The following RAI1 variants were observed in gnomAD, a reference collection of about 807,000 sequenced individuals.
RAI1 encodes the protein retinoic acid-induced protein 1.
In RAI1, 9 loss-of-function variants were observed where a neutral mutation model predicts 123.8. The observed-to-expected ratio is 0.07, with a 90% CI of 0.04 to 0.13. The LOEUF (loss-of-function observed/expected upper bound fraction) is 0.13, where lower values mean the gene tolerates loss of function less well. RAI1 is among the 10% of genes least tolerant of loss of function. RAI1 has a pLI of 1.00. For synonymous variants in RAI1, 1,231 were observed against 1,127.3 expected, an observed-to-expected ratio of 1.09 and a Z score of -1.84; for missense variants, 2,256 against 2,545.8, an observed-to-expected ratio of 0.89 and a Z score of 2.45.
intron 1 of RAI1, among the ~76,000 whole-genome samples, chr17:17,721,672 T>C (rs1217977875): frequency 6.6e-6 from 1 of 152,118 alleles, no homozygotes; most frequent in Non-Finnish European, 1.5e-5. Flanking sequence ...CAGCGGGCAT[T>C]TGGGCTTTTC....
At chr17:17,791,053 G>A (rs561042687) in intron 2 of RAI1, among the ~76,000 whole-genome samples, 2 of 152,340 alleles carry the variant, frequency 1.3e-5, no homozygotes, top group African/African-American at 4.8e-5. Flanking sequence ...GGATGCCTGC[G>A]ACAAATCCAG....
intron 2 of RAI1, among the ~76,000 whole-genome samples, chr17:17,756,481 GC>G (rs1567876706): frequency 2.6e-5 from 4 of 152,190 alleles, no homozygotes; most frequent in African/African-American, 9.7e-5. Flanking sequence ...ACAGGTGTGA[GC>G]ACTGCACCTG....
At chr17:17,792,145 C>T (rs1297636388) in intron 2 of RAI1, among the ~76,000 whole-genome samples, 1 of 152,164 alleles carries the variant, frequency 6.6e-6, no homozygotes, top group Non-Finnish European at 1.5e-5. Flanking sequence ...TGTTTATGCA[C>T]GTATGATATC....
intron 1 of RAI1, among the ~76,000 whole-genome samples, chr17:17,694,890 G>T (rs1914967562): frequency 6.6e-6 from 1 of 152,048 alleles, no homozygotes; most frequent in South Asian, 2.1e-4. Flanking sequence ...CGGGAACGCG[G>T]GGGCTTCCAG....
chr17:17,733,128 G>A (rs966586648), intron 2 of RAI1, among the ~76,000 whole-genome samples: 5 of 152,182 alleles, frequency 3.3e-5, no homozygotes, highest in Non-Finnish European at 5.9e-5. Context: ...TGCCAGCTGG[G>A]CCCTGGCACT....
intron 1 of RAI1, among the ~76,000 whole-genome samples, chr17:17,682,185 G>A (rs1914447987): frequency 1.3e-5 from 2 of 152,182 alleles, no homozygotes; most frequent in African/African-American, 2.4e-5. Flanking sequence ...GGGGCGCCGG[G>A]GGCGGAGGTG....
intron 3 of RAI1, 52 bp downstream of exon 3, chr17:17,798,565 C>CTTT: frequency 6.3e-7 from 1 of 1,593,068 alleles, no homozygotes; most frequent in Non-Finnish European, 8.5e-7. Flanking sequence ...AAAGGACAGG[C>CTTT]AGGCAGGCAG....
chr17:17,780,115 G>T (rs1326177131), intron 2 of RAI1, among the ~76,000 whole-genome samples: 5 of 143,876 alleles, frequency 3.5e-5, no homozygotes, highest in African/African-American at 1.3e-4. Flanking sequence ...CCCCAGGCTG[G>T]AGTGCAATGG....
At chr17:17,755,882 G>A (rs2030419297) in intron 2 of RAI1, among the ~76,000 whole-genome samples, 1 of 152,192 alleles carries the variant, frequency 6.6e-6, no homozygotes, top group Admixed American at 6.5e-5. Context: ...TGTACCCTCT[G>A]CACACATCAC....
At chr17:17,749,717 A>ATCT (rs1172002778) in intron 2 of RAI1, among the ~76,000 whole-genome samples, 2 of 152,146 alleles carry the variant, frequency 1.3e-5, no homozygotes, top group Non-Finnish European at 2.9e-5. Context: ...ATCTCAGAGA[A>ATCT]GCCTTCCTGC....
intron 1 of RAI1, among the ~76,000 whole-genome samples, chr17:17,700,616 C>A (rs1567830919): frequency 1.3e-5 from 2 of 152,162 alleles, no homozygotes; most frequent in Non-Finnish European, 2.9e-5. Flanking sequence ...TGGAAAACGA[C>A]GCCCGGCGGG....
At chr17:17,742,633 G>A (rs375586446) in intron 2 of RAI1, among the ~76,000 whole-genome samples, 2 of 152,226 alleles carry the variant, frequency 1.3e-5, no homozygotes, top group East Asian at 1.9e-4. Flanking sequence ...AAGAGAGAGA[G>A]AGAGAGAAGT....
chr17:17,722,532 A>G (rs2142926332), intron 1 of RAI1, among the ~76,000 whole-genome samples: 1 of 152,120 alleles, frequency 6.6e-6, no homozygotes, highest in Middle Eastern at 3.4e-3. Context: ...CCGCCGGGAA[A>G]CCTAGAGGCG....
intron 2 of RAI1, among the ~76,000 whole-genome samples, chr17:17,785,527 C>T (rs1295779843): frequency 6.6e-6 from 1 of 152,192 alleles, no homozygotes; most frequent in African/African-American, 2.4e-5. Flanking sequence ...TATGTAATTA[C>T]CGCTGCCATG....
chr17:17,779,707 C>G (rs1418096072), intron 2 of RAI1, among the ~76,000 whole-genome samples: 1 of 151,854 alleles, frequency 6.6e-6, no homozygotes, highest in Non-Finnish European at 1.5e-5. Context: ...GTAGCCTGGC[C>G]AAGTGGGTAG....
rs1467798114 is a variant in RAI1, at chr17:17,798,407, AGGAGCACT to A, written c.5462_5469del (p.Glu1821GlyfsTer3). Reference sequence around the variant, plus strand: ...CCGGCAGAGCCCGGCGGGGAGGCCCAGGAGCACTGGGTGCATGAGGCCTGTGCCGTGTG... The same window carrying A: ...CCGGCAGAGCCCGGCGGGGAGGCCCAGGGTGCATGAGGCCTGTGCCGTGTG... On this transcript the variant is annotated frameshift_variant, in exon 3 of 6. Transcript: ENST00000353383. LOFTEE classifies it high-confidence loss of function. 1 of 1,610,666 alleles carries A rather than the reference AGGAGCACT, an allele frequency of 6.2e-7. No homozygotes were observed. Among genetic ancestry groups the A allele is most frequent in the Admixed American group, 1.7e-5 (1 of 59,868 alleles).
intron 1 of RAI1, among the ~76,000 whole-genome samples, chr17:17,717,350 G>C (rs898978754): frequency 2.0e-5 from 3 of 152,182 alleles, no homozygotes; most frequent in Admixed American, 2.0e-4. Flanking sequence ...TGTTCCCATG[G>C]CCATGGCAGA....
rs773215639 is a variant in RAI1, at chr17:17,795,035, C to T, written c.2087C>T (p.Thr696Met). The change falls in exon 3 of 6, where the codon ACG becomes ATG. Residue 696 changes from threonine (T) to methionine (M), a missense_variant. Thr to Met is a moderately conservative substitution (Grantham distance 81). This residue lies in a region of RAI1 where 566 missense variants were observed against 616.0 expected (regional missense o/e 0.92). Transcript: ENST00000353383. This position sits in a 1 kb window ranked among gnomAD's most constrained non-coding sequence, Gnocchi z 5.9. ...GAAGACCCTTCCGTGGCCTTCGCTA[C>T]GCCTGACCCCAAAAAGACAACTGGT... ...LFEDPSVAFATPDPKKTTGPL... is the reference protein window; with the variant it reads ...LFEDPSVAFAMPDPKKTTGPL... 20 of 1,614,034 alleles carry T rather than the reference C, an allele frequency of 1.2e-5. No individual in the cohort carries two copies. The highest frequency in any genetic ancestry group is 3.3e-5 in the Admixed American group (2 of 60,012).
In RAI1 at chr17:17,800,598, C is replaced by T. The variant is rs780601285; in HGVS notation, c.5565+2085C>T. On this transcript the variant is annotated intron_variant, in intron 3 of 5. Coordinates refer to ENST00000353383, the MANE Select transcript of RAI1 (RefSeq NM_030665.4). The surrounding 1 kb of genome is among the most constrained non-coding windows in gnomAD (Gnocchi z 4.7). ...GAGGAGACAGTGTGTGTTGGAGAGG[C>T]GCTAGCTTCCCTACACCACGCGGGG... Among the ~76,000 whole-genome samples, 37 of 152,080 alleles carry T rather than the reference C, an allele frequency of 2.4e-4. No homozygotes were observed. The highest frequency in any genetic ancestry group is 4.6e-4 in the Non-Finnish European group (31 of 68,002).
Sources: allele counts gnomAD v4.1 joint callset (sites outside exome capture counted in the v4.1 genomes callset), GRCh38; gene constraint gnomAD v4.1.1; regional missense constraint gnomAD v4.1.1; non-coding constraint Gnocchi (gnomAD v3.1); transcripts MANE v1.5; gene names NCBI Gene and HGNC (gene_info 2026-07-23, HGNC 2026-07-21).